Variants in EBF3 observed in about 807,000 individuals in gnomAD.
EBF3 encodes the protein EBF transcription factor 3.
Under a neutral mutation model 77.1 loss-of-function variants are expected in EBF3, and 18 were observed. The ratio of observed to expected loss-of-function variants is 0.23; its 90% confidence interval spans 0.16 to 0.35. The LOEUF (loss-of-function observed/expected upper bound fraction) is 0.35, where lower values mean the gene tolerates loss of function less well. Among genes scored for constraint, EBF3 ranks in the 10% least tolerant of loss-of-function variants. EBF3 has a pLI of 1.00. For synonymous variants in EBF3, 350 were observed against 343.5 expected, an observed-to-expected ratio of 1.02 and a Z score of -0.21; for missense variants, 558 against 860.0, an observed-to-expected ratio of 0.65 and a Z score of 4.39.
chr10:129,858,174 T>C (rs568383917), intron 10 of EBF3, among the ~76,000 whole-genome samples: 2 of 152,308 alleles, frequency 1.3e-5, no homozygotes, highest in East Asian at 1.9e-4. Flanking sequence ...CCAGCTTCCC[T>C]GGGCAGTGGG....
At chr10:129,930,330 T>C (rs1463860268) in intron 6 of EBF3, among the ~76,000 whole-genome samples, 4 of 152,076 alleles carry the variant, frequency 2.6e-5, no homozygotes, top group Non-Finnish European at 4.4e-5. Flanking sequence ...CATATATCTA[T>C]ATCTATATCT....
chr10:129,838,048 C>T, intron 16 of EBF3, 88 bp from the exon 17 acceptor site: 2 of 1,520,876 alleles, frequency 1.3e-6, no homozygotes, highest in Non-Finnish European at 1.8e-6. Flanking sequence ...GCCCTTCCCC[C>T]CTATTCAACT....
chr10:129,872,246 G>A (rs1852454578), intron 8 of EBF3, among the ~76,000 whole-genome samples: 1 of 152,128 alleles, frequency 6.6e-6, no homozygotes, highest in South Asian at 2.1e-4. Flanking sequence ...CATTAGTGAC[G>A]GTTGCTAAGC....
rs534815302 is a variant in EBF3 at position 129,846,471 on chromosome 10, G to A, written c.1128+1921C>T. Among the ~76,000 whole-genome samples, 33 of 151,710 alleles carry A rather than the reference G, an allele frequency of 2.2e-4. No homozygotes were observed. In the South Asian group the frequency reaches 6.1e-3, roughly 28 times the overall value. On this transcript the variant is annotated intron_variant, in intron 11 of 16. Transcript: ENST00000440978. ...ATTGAGACACACGCTTTACATCTGC[G>A]GAATCTCATCTCTCATTTCTATTCT...
Position 129,837,632 on chromosome 10 carries a change from G to GGAAACTTTATACAA in EBF3, c.*297_*310dup, listed in dbSNP as rs1849690144. On this transcript the variant is annotated 3_prime_UTR_variant, in exon 17 of 17. Coordinates refer to ENST00000440978, the MANE Select transcript of EBF3 (RefSeq NM_001375380.1). ...TACTAGACATGGCCAAGACGGAGTC[G>GGAAACTTTATACAA]GAAACTTTATACAAAATAGGCGTCG... The GGAAACTTTATACAA allele has an allele frequency of 5.5e-6, 2 of 363,372 alleles. No homozygotes were observed. Among genetic ancestry groups the GGAAACTTTATACAA allele is most frequent in the Non-Finnish European group, 1.0e-5 (2 of 200,452 alleles). The allele number at this position is 363,372 out of a possible 1,614,324, so 22.5% of individuals were successfully genotyped here.
At chr10:129,896,828 T>C (rs563415324) in intron 6 of EBF3, among the ~76,000 whole-genome samples, 1 of 152,318 alleles carries the variant, frequency 6.6e-6, no homozygotes, top group South Asian at 2.1e-4. Flanking sequence ...CCTTTCGCCC[T>C]GCGTGAACTT....
intron 6 of EBF3, among the ~76,000 whole-genome samples, chr10:129,942,162 A>G (rs1857801254): frequency 6.6e-6 from 1 of 152,164 alleles, no homozygotes. Context: ...ACTGATTTTC[A>G]TTTACAAGAG....
chr10:129,849,496 G>A (rs1042656258), intron 10 of EBF3, among the ~76,000 whole-genome samples: 3 of 152,204 alleles, frequency 2.0e-5, no homozygotes, highest in African/African-American at 7.2e-5. Flanking sequence ...GGTGTGCAAG[G>A]TGCGGGGGCG....
intron 6 of EBF3, among the ~76,000 whole-genome samples, chr10:129,891,237 T>C (rs1244401268): frequency 6.6e-6 from 1 of 152,214 alleles, no homozygotes; most frequent in Non-Finnish European, 1.5e-5. Flanking sequence ...ATTTTCTCTG[T>C]GTTAAGCTGA....
At position 129,841,075 on chromosome 10, in the gene EBF3, G is replaced by A. The variant is rs376276619; in HGVS notation, c.1373-43C>T. ...CCGGCCAAAAATAACATTATTATCA[G>A]CGACAGACACTTGGGGGGGGTTCCC... On this transcript the variant is annotated intron_variant, in intron 13 of 16. Transcript: ENST00000440978. This position sits in a 1 kb window ranked among gnomAD's most constrained non-coding sequence, Gnocchi z 4.6. 2.5e-6 allele frequency: 4 copies of A among 1,595,628 alleles called. No individual in the cohort carries two copies. The highest frequency in any genetic ancestry group is 2.6e-6 in the Non-Finnish European group (3 of 1,172,190).
At chr10:129,960,981 G>C (rs1859472092) in intron 4 of EBF3, among the ~76,000 whole-genome samples, 1 of 152,200 alleles carries the variant, frequency 6.6e-6, no homozygotes, top group African/African-American at 2.4e-5. Context: ...TAGTTTACCT[G>C]TCAGATCTGT....
intron 6 of EBF3, 136 bp downstream of exon 6, chr10:129,957,122 C>A (rs1324731427): frequency 7.2e-6 from 5 of 696,804 alleles, no homozygotes; most frequent in Non-Finnish European, 1.2e-5. Flanking sequence ...ATAACACACG[C>A]GGACAACAAA....
intron 6 of EBF3, among the ~76,000 whole-genome samples, chr10:129,932,657 C>T (rs1029420964): frequency 1.3e-5 from 2 of 148,714 alleles, no homozygotes; most frequent in African/African-American, 2.4e-5. Context: ...CTTCTTGCCA[C>T]GCAATTTTTT....
At chr10:129,932,463 G>A (rs1857089279) in intron 6 of EBF3, among the ~76,000 whole-genome samples, 1 of 152,224 alleles carries the variant, frequency 6.6e-6, no homozygotes, top group Admixed American at 6.5e-5. Context: ...TCTCAGAAAG[G>A]TGAAAGGAGT....
chr10:129,903,695 T>C (rs915168306), intron 6 of EBF3, among the ~76,000 whole-genome samples: 1 of 152,164 alleles, frequency 6.6e-6, no homozygotes. Context: ...GAAGATGTGA[T>C]TTTTGATGAG....
chr10:129,920,077 G>C (rs598516), intron 6 of EBF3, among the ~76,000 whole-genome samples: 9 of 72,382 alleles, frequency 1.2e-4, no homozygotes, highest in Non-Finnish European at 2.3e-4. Context: ...GGTCTAGGGC[G>C]AGTATCTCCA....
At chr10:129,957,388 A>C in intron 5 of EBF3, 62 bp from the exon 6 acceptor site, 1 of 1,162,414 alleles carries the variant, frequency 8.6e-7, no homozygotes, top group Non-Finnish European at 1.2e-6. Context: ...CCCGACTTGT[A>C]TTTTTTTTTT....
chr10:129,949,789 TA>T (rs1193674749), intron 6 of EBF3, among the ~76,000 whole-genome samples: 1 of 152,066 alleles, frequency 6.6e-6, no homozygotes, highest in African/African-American at 2.4e-5. Context: ...TGCAGTTCCT[TA>T]CCAAACCATT....
At chr10:129,957,569 T>C (rs1229928639) in intron 5 of EBF3, among the ~76,000 whole-genome samples, 3 of 152,184 alleles carry the variant, frequency 2.0e-5, no homozygotes, top group Admixed American at 1.3e-4. Flanking sequence ...GAGTACTATA[T>C]AGATTGTGAT....
Sources: gnomAD v4.1 joint callset for allele counts (sites outside exome capture counted in the v4.1 genomes callset) on GRCh38, gnomAD v4.1.1 for gene constraint, Gnocchi (gnomAD v3.1) non-coding constraint, MANE v1.5 for transcripts, NCBI Gene and HGNC (gene_info 2026-07-23, HGNC 2026-07-21) for gene names.